FGF14: variants seen among roughly 807,000 people sequenced by gnomAD.
FGF14 encodes fibroblast growth factor 14.
Under a neutral mutation model 25.5 loss-of-function variants are expected in FGF14, and 5 were observed. That is an observed-to-expected ratio of 0.20 (90% CI 0.10 to 0.41). The LOEUF (loss-of-function observed/expected upper bound fraction) is 0.41. FGF14 is among the 10% of genes least tolerant of loss of function. The pLI is 1.00. For synonymous variants in FGF14, 138 were observed against 118.3 expected (o/e 1.17, Z -1.08); for missense variants, 222 against 320.1 (o/e 0.69, Z 2.34).
At chr13:101,939,937 G>C (rs2139306914) in intron 1 of FGF14, among the ~76,000 whole-genome samples, 1 of 152,256 alleles carries the variant, frequency 6.6e-6, no homozygotes, top group South Asian at 2.1e-4. Flanking sequence ...AAAGTAGTTG[G>C]AGAAAACAAT....
chr13:102,338,324 C>T (rs1051955493), intron 1 of FGF14, among the ~76,000 whole-genome samples: 2 of 152,116 alleles, frequency 1.3e-5, no homozygotes, highest in Admixed American at 6.5e-5. Flanking sequence ...TCCATGCCCC[C>T]CCTTCTGCCC....
rs1479810383 is a variant in FGF14, at chr13:101,722,717, T to G, written c.*114A>C. ...AGAGAAGTTCGGAGACAGCAAAGAA[T>G]AAGCATTAGCTTACTTCCTGCTGCT... On this transcript the variant is annotated 3_prime_UTR_variant, in exon 5 of 5. Transcript: ENST00000376143. 2 of 1,424,140 alleles carry G rather than the reference T, an allele frequency of 1.4e-6. No homozygotes were observed. The highest frequency in any genetic ancestry group is 2.3e-5 in the East Asian group (1 of 42,892). 88.2% of individuals were successfully genotyped at this position (1,424,140 alleles called of 1,614,324 possible). A position where few individuals can be genotyped will look rare whatever the true frequency, so the allele number is the denominator to read the frequency against.
chr13:102,208,504 G>A (rs2050032706), intron 1 of FGF14, among the ~76,000 whole-genome samples: 1 of 152,168 alleles, frequency 6.6e-6, no homozygotes, highest in Non-Finnish European at 1.5e-5. Flanking sequence ...ACAACAGATA[G>A]AAATTGCATA....
chr13:102,227,296 C>G (rs868006289), intron 1 of FGF14, among the ~76,000 whole-genome samples: 12 of 152,072 alleles, frequency 7.9e-5, no homozygotes, highest in Non-Finnish European at 1.2e-4. Flanking sequence ...AGCCTATCCA[C>G]CTGCCAAGGG....
chr13:102,062,491 C>T (rs984088896), intron 1 of FGF14, among the ~76,000 whole-genome samples: 104 of 152,160 alleles, frequency 6.8e-4, no homozygotes, highest in African/African-American at 2.1e-3. Flanking sequence ...TACTCAAACC[C>T]TTTTGTAAGT....
At chr13:101,952,030 C>A (rs1230999693) in intron 1 of FGF14, among the ~76,000 whole-genome samples, 3 of 152,050 alleles carry the variant, frequency 2.0e-5, no homozygotes, top group Non-Finnish European at 2.9e-5. Flanking sequence ...AAATGTGATA[C>A]AATTTATTTA....
chr13:101,846,918 A>G (rs1454301467), intron 3 of FGF14, among the ~76,000 whole-genome samples: 1 of 152,038 alleles, frequency 6.6e-6, no homozygotes, highest in Non-Finnish European at 1.5e-5. Flanking sequence ...ATTAATTGGG[A>G]GAAGAAGTCA....
chr13:102,267,307 A>T (rs767565772), intron 1 of FGF14, among the ~76,000 whole-genome samples: 14 of 152,198 alleles, frequency 9.2e-5, no homozygotes, highest in Non-Finnish European at 1.9e-4. Context: ...AGCACTGAAC[A>T]CTGTGCTTAG....
intron 1 of FGF14, among the ~76,000 whole-genome samples, chr13:102,019,843 A>G (rs1341090096): frequency 6.6e-6 from 1 of 152,106 alleles, no homozygotes; most frequent in African/African-American, 2.4e-5. Flanking sequence ...TGAGAATTGG[A>G]CTCGTATTGT....
intron 1 of FGF14, among the ~76,000 whole-genome samples, chr13:102,126,109 T>G (rs2045937804): frequency 6.6e-6 from 1 of 152,146 alleles, no homozygotes; most frequent in Non-Finnish European, 1.5e-5. Flanking sequence ...AGTATACAGT[T>G]CAGTGGCATT....
intron 1 of FGF14, among the ~76,000 whole-genome samples, chr13:101,960,274 G>A (rs769095428): frequency 3.9e-5 from 6 of 152,136 alleles, no homozygotes; most frequent in Non-Finnish European, 8.8e-5. Flanking sequence ...ATGTCCTATG[G>A]TGGTTTGCTG....
chr13:102,228,955 GTCT>G (rs1338835108), intron 1 of FGF14, among the ~76,000 whole-genome samples: 2 of 152,158 alleles, frequency 1.3e-5, no homozygotes, highest in Non-Finnish European at 2.9e-5. Flanking sequence ...ACTGAATGTT[GTCT>G]TCTCTCCTCC....
At chr13:101,977,134 A>C (rs2037976154) in intron 1 of FGF14, among the ~76,000 whole-genome samples, 1 of 152,146 alleles carries the variant, frequency 6.6e-6, no homozygotes, top group African/African-American at 2.4e-5. Context: ...ACATCCACAT[A>C]ACTACCAATC....
intron 3 of FGF14, among the ~76,000 whole-genome samples, chr13:101,801,492 T>C (rs1281084196): frequency 6.6e-6 from 1 of 152,106 alleles, no homozygotes; most frequent in Non-Finnish European, 1.5e-5. Context: ...TGTGCTCTAA[T>C]AAAACTTTAT....
intron 1 of FGF14, among the ~76,000 whole-genome samples, chr13:102,347,156 G>GTGTTATTCC (rs1334108756): frequency 6.6e-6 from 1 of 152,154 alleles, no homozygotes; most frequent in Non-Finnish European, 1.5e-5. Context: ...GGGTTCGTTA[G>GTGTTATTCC]TGTTATTCCA....
At chr13:102,234,043 G>T (rs557730170) in intron 1 of FGF14, among the ~76,000 whole-genome samples, 1 of 152,172 alleles carries the variant, frequency 6.6e-6, no homozygotes, top group African/African-American at 2.4e-5. Context: ...AGGGACTGGG[G>T]AAAGTGGAGA....
intron 3 of FGF14, among the ~76,000 whole-genome samples, chr13:101,850,500 A>ATGC (rs1566311402): frequency 1.1e-3 from 2 of 1,830 alleles, no homozygotes; most frequent in African/African-American, 2.6e-3. Flanking sequence ...ATATATATAT[A>ATGC]TATATATATA....
intron 3 of FGF14, among the ~76,000 whole-genome samples, chr13:101,788,905 TATATAGAGAGAGAGAG>T (rs1330848178): frequency 1.4e-3 from 45 of 32,838 alleles, no homozygotes; most frequent in South Asian, 0.012. Flanking sequence ...TATATATATA[TATATAGAGAGAGAGAG>T]AGAGAGAGAG....
At chr13:102,279,667 T>A (rs1047406847) in intron 1 of FGF14, among the ~76,000 whole-genome samples, 9 of 152,150 alleles carry the variant, frequency 5.9e-5, no homozygotes, top group Admixed American at 2.0e-4. Flanking sequence ...CAATGCATAC[T>A]CAATTATATT....
Sources: allele counts gnomAD v4.1 joint callset (sites outside exome capture counted in the v4.1 genomes callset), GRCh38; gene constraint gnomAD v4.1.1; transcripts MANE v1.5; gene names NCBI Gene and HGNC (gene_info 2026-07-23, HGNC 2026-07-21).